Variants in DOCK1 observed in about 807,000 individuals in gnomAD.
DOCK1 encodes dedicator of cytokinesis protein 1.
In DOCK1, 138 loss-of-function variants were observed where a neutral mutation model predicts 262.7. That is an observed-to-expected ratio of 0.53 (90% confidence interval 0.46 to 0.61). The LOEUF (loss-of-function observed/expected upper bound fraction) is 0.61. DOCK1 is among the 20% of genes least tolerant of loss of function. The probability of loss-of-function intolerance (pLI) is 0.00; values close to 1 mark genes in which losing one functional copy is unlikely to be tolerated. For synonymous variants in DOCK1, 866 were observed against 867.4 expected, an observed-to-expected ratio of 1.00 and a Z score of 0.03; for missense variants, 1,908 against 2,370.7, an observed-to-expected ratio of 0.80 and a Z score of 4.05.
At chr10:127,164,866 C>G (rs1207399467) in intron 27 of DOCK1, among the ~76,000 whole-genome samples, 1 of 152,168 alleles carries the variant, frequency 6.6e-6, no homozygotes, top group African/African-American at 2.4e-5. Flanking sequence ...AAAATGATGA[C>G]AATGATACAA....
chr10:127,092,721 G>T (rs1355644276), intron 23 of DOCK1, among the ~76,000 whole-genome samples: 7 of 152,190 alleles, frequency 4.6e-5, no homozygotes, highest in Non-Finnish European at 8.8e-5. Context: ...GACTTCAAGT[G>T]ATCCGCCTGC....
chr10:127,431,504 C>T (rs1161852583), intron 47 of DOCK1, among the ~76,000 whole-genome samples: 1 of 152,216 alleles, frequency 6.6e-6, no homozygotes, highest in African/African-American at 2.4e-5. Context: ...TGGGGATAAT[C>T]CCCAAGCAAC....
intron 51 of DOCK1, among the ~76,000 whole-genome samples, chr10:127,450,837 C>T (rs1163409930): frequency 9.2e-5 from 14 of 152,182 alleles, no homozygotes; most frequent in Admixed American, 5.2e-4. Context: ...GACCGCTTTT[C>T]GGCCACACCA....
intron 1 of DOCK1, among the ~76,000 whole-genome samples, chr10:126,908,562 A>T (rs1220413242): frequency 1.3e-5 from 2 of 152,246 alleles, no homozygotes; most frequent in African/African-American, 4.8e-5. Context: ...TGTAAATGAG[A>T]TACTTCAGTT....
chr10:127,017,202 C>A (rs1489190216), intron 12 of DOCK1, among the ~76,000 whole-genome samples: 2 of 140,594 alleles, frequency 1.4e-5, no homozygotes, highest in African/African-American at 2.7e-5. Flanking sequence ...CACACGCACA[C>A]ACAGATGCAG....
At chr10:127,362,848 C>CACACATACACATCCCCACACACACAT (rs1554956200) in intron 33 of DOCK1, among the ~76,000 whole-genome samples, 1 of 10,260 alleles carries the variant, frequency 9.7e-5, no homozygotes, top group African/African-American at 3.4e-4. Flanking sequence ...CACACACACA[C>CACACATACACATCCCCACACACACAT]ACACATGTAC....
At chr10:127,070,036 C>A (rs897635156) in intron 23 of DOCK1, among the ~76,000 whole-genome samples, 2 of 151,996 alleles carry the variant, frequency 1.3e-5, no homozygotes, top group Admixed American at 6.6e-5. Flanking sequence ...CTTGGTATTT[C>A]CTGACTTGCA....
intron 18 of DOCK1, among the ~76,000 whole-genome samples, chr10:127,034,528 A>G (rs1275025230): frequency 6.6e-6 from 1 of 151,970 alleles, no homozygotes; most frequent in Non-Finnish European, 1.5e-5. Flanking sequence ...TCAACTTGGG[A>G]CTTGGTTATG....
chr10:127,410,320 C>G (rs984688704), intron 42 of DOCK1, among the ~76,000 whole-genome samples: 1 of 152,134 alleles, frequency 6.6e-6, no homozygotes, highest in South Asian at 2.1e-4. Context: ...GCTGTGGAAG[C>G]CTGCCTGCAT....
intron 27 of DOCK1, among the ~76,000 whole-genome samples, chr10:127,174,459 G>GT (rs1230760141): frequency 6.6e-6 from 1 of 152,200 alleles, no homozygotes; most frequent in Non-Finnish European, 1.5e-5. Context: ...TAGGTCATTT[G>GT]TTTTTAAAGA....
At chr10:127,106,930 A>T (rs1300429473) in intron 24 of DOCK1, among the ~76,000 whole-genome samples, 1 of 152,112 alleles carries the variant, frequency 6.6e-6, no homozygotes, top group African/African-American at 2.4e-5. Context: ...TGAAAGTGCC[A>T]TTGTGAGCAA....
intron 10 of DOCK1, chr10:127,007,430 A>T (rs1339563752): frequency 2.0e-5 from 3 of 152,242 alleles, no homozygotes; most frequent in Non-Finnish European, 4.4e-5. Flanking sequence ...GAGCTGGGCT[A>T]CAGAGAGACC....
intron 27 of DOCK1, among the ~76,000 whole-genome samples, chr10:127,190,667 C>T (rs1274825790): frequency 2.7e-4 from 3 of 11,288 alleles, no homozygotes; most frequent in African/African-American, 6.8e-4. Context: ...TCCTATCTTC[C>T]CCCCCCCCCC....
intron 21 of DOCK1, among the ~76,000 whole-genome samples, chr10:127,046,553 A>G (rs1538790): frequency 0.028 from 4,256 of 152,144 alleles, 193 homozygotes; most frequent in African/African-American, 0.096. Context: ...CAGGAGTTCA[A>G]TACCAGCCTG....
At chr10:126,987,453 T>C (rs2039488861) in intron 4 of DOCK1, 68 bp from the exon 5 acceptor site, 2 of 1,328,722 alleles carry the variant, frequency 1.5e-6, no homozygotes, top group Admixed American at 2.2e-5. Flanking sequence ...ATGTGAAATT[T>C]ACCAGGTACT....
intron 27 of DOCK1, among the ~76,000 whole-genome samples, chr10:127,130,333 G>T (rs1278326831): frequency 6.6e-6 from 1 of 152,052 alleles, no homozygotes; most frequent in Non-Finnish European, 1.5e-5. Context: ...TGATCCATCC[G>T]CTTCGGCCTC....
At chr10:127,015,012 T>G (rs1298703969) in intron 12 of DOCK1, 1 of 152,066 alleles carries the variant, frequency 6.6e-6, no homozygotes, top group African/African-American at 2.4e-5. Context: ...CCACTTGCCT[T>G]TTGTGGTCAC....
rs2070983474 is a variant in DOCK1 at position 127,451,701 on chromosome 10, G to C, written c.*274G>C. ...TCTGAGTGTGTCTGGCTCTGAGAGA[G>C]TCTGAGTCTTGCCCAAACATTCTTT... On this transcript the variant is annotated 3_prime_UTR_variant, in exon 52 of 52. Coordinates refer to ENST00000623213, the MANE Select transcript of DOCK1 (RefSeq NM_001290223.2). 1.1e-5 allele frequency: 6 copies of C among 559,658 alleles called. No homozygotes were observed. Among genetic ancestry groups the C allele is most frequent in the Non-Finnish European group, 1.1e-5 (4 of 348,332 alleles). 34.7% of individuals were successfully genotyped at this position (559,658 alleles called of 1,614,324 possible).
intron 1 of DOCK1, among the ~76,000 whole-genome samples, chr10:126,931,772 A>G (rs924750258): frequency 7.4e-4 from 113 of 152,258 alleles, no homozygotes; most frequent in Non-Finnish European, 1.5e-3. Context: ...ATGTGTCTTC[A>G]TCTATCGACT....
Sources: gnomAD v4.1 joint callset for allele counts (sites outside exome capture counted in the v4.1 genomes callset) on GRCh38, gnomAD v4.1.1 for gene constraint, MANE v1.5 for transcripts, NCBI Gene and HGNC (gene_info 2026-07-23, HGNC 2026-07-21) for gene names.